The following ATP6V1C2 variants were observed in gnomAD, a reference collection of about 807,000 sequenced individuals.
ATP6V1C2 encodes ATPase H+ transporting V1 subunit C2.
Under a neutral mutation model 56.8 loss-of-function variants are expected in ATP6V1C2, and 45 were observed. That is an observed-to-expected ratio of 0.79 (90% CI 0.62 to 1.02). ATP6V1C2 has a LOEUF of 1.02. Ranked by LOEUF, ATP6V1C2 falls within the 50% of genes least tolerant of loss-of-function variation. ATP6V1C2 has a pLI of 0.00. For missense variants in ATP6V1C2, 463 were observed against 519.7 expected (o/e 0.89, Z 1.06); for synonymous variants, 220 against 201.3 (o/e 1.09, Z -0.79).
At position 10,722,830 on chromosome 2, in the gene ATP6V1C2, G is replaced by A. The variant is rs778324768; in HGVS notation, c.-20G>A. On this transcript the variant is annotated 5_prime_UTR_variant, in exon 2 of 14. Transcript: ENST00000272238. Reference sequence around the variant, plus strand: ...TTGTCCTGGTTCTGGGCAGTCACTGGGTAAGAGAAGACTGGAAGCATGTCG... The same window carrying A: ...TTGTCCTGGTTCTGGGCAGTCACTGAGTAAGAGAAGACTGGAAGCATGTCG... 8 of 1,613,520 alleles carry A rather than the reference G, an allele frequency of 5.0e-6. No individual in the cohort carries two copies. In the East Asian group the frequency reaches 1.6e-4, roughly 31 times the overall value.
chr2:10,751,379 G>A (rs950297120), intron 3 of ATP6V1C2, among the ~76,000 whole-genome samples: 4 of 152,138 alleles, frequency 2.6e-5, no homozygotes, highest in Admixed American at 2.0e-4. Flanking sequence ...CAAACTCCAT[G>A]AAGAATCCTG....
At chr2:10,749,980 G>A (rs561016069) in intron 3 of ATP6V1C2, among the ~76,000 whole-genome samples, 1 of 152,280 alleles carries the variant, frequency 6.6e-6, no homozygotes, top group African/African-American at 2.4e-5. Flanking sequence ...AAACTGTGGA[G>A]TGAAAAAAGT....
intron 7 of ATP6V1C2, 125 bp downstream of exon 7, chr2:10,772,062 C>A: frequency 1.3e-6 from 1 of 796,386 alleles, no homozygotes; most frequent in South Asian, 1.5e-5. Flanking sequence ...GGGAAGCAGT[C>A]ATTCCTTCAT....
intron 4 of ATP6V1C2, among the ~76,000 whole-genome samples, chr2:10,758,980 C>T (rs1238129193): frequency 3.3e-5 from 5 of 152,206 alleles, no homozygotes; most frequent in Non-Finnish European, 5.9e-5. Context: ...GGCCTTTAAA[C>T]TTAGTTTGAC....
intron 10 of ATP6V1C2, among the ~76,000 whole-genome samples, chr2:10,776,286 C>A (rs543938590): frequency 7.0e-6 from 1 of 142,134 alleles, no homozygotes; most frequent in African/African-American, 2.6e-5. Flanking sequence ...TGTGTGCGCG[C>A]GCACGTGCAT....
In ATP6V1C2 at chr2:10,739,279, G is replaced by A. The variant is rs991438818; in HGVS notation, c.197+12710G>A. Among the ~76,000 whole-genome samples, 70 of 148,242 alleles carry A rather than the reference G, an allele frequency of 4.7e-4. 1 individual carries two copies. The highest frequency in any genetic ancestry group is 6.7e-4 in the African/African-American group (27 of 40,228). ...GCCTGGGCAATAAGAGCAAAACTCC[G>A]TCTCAAAAATAAATAAATAAATAAA... On this transcript the variant is annotated intron_variant, in intron 3 of 13. Transcript: ENST00000272238.
intron 8 of ATP6V1C2, among the ~76,000 whole-genome samples, chr2:10,773,331 A>C (rs1472350531): frequency 6.6e-6 from 1 of 152,146 alleles, no homozygotes; most frequent in Non-Finnish European, 1.5e-5. Flanking sequence ...GGGTAGGGGC[A>C]TGTGGGCTTT....
Position 10,775,816 on chromosome 2 carries a change from G to C in ATP6V1C2, c.825+745G>C, listed in dbSNP as rs141423873. 4.1e-4 allele frequency among the ~76,000 whole-genome samples: 63 copies of C among 152,286 alleles called. No individual in the cohort carries two copies. In the East Asian group the frequency reaches 0.011, roughly 27 times the overall value. On this transcript the variant is annotated intron_variant, in intron 10 of 13. Transcript: ENST00000272238. The stretch of plus-strand genomic sequence containing the variant: ...GAGCCTGTCTGGGTGGAATGTTTTT[G>C]GGACCCTTCTTCCTCATGCCCACCA...
At chr2:10,779,428 A>T (rs145049280) in intron 12 of ATP6V1C2, among the ~76,000 whole-genome samples, 23,795 of 138,218 alleles carry the variant, frequency 0.17, 2,694 homozygotes, top group East Asian at 0.33. Flanking sequence ...TAAAAAAAAA[A>T]ATATATATAT....
intron 1 of ATP6V1C2, among the ~76,000 whole-genome samples, chr2:10,721,999 G>C (rs1431484444): frequency 6.6e-6 from 1 of 152,224 alleles, no homozygotes; most frequent in Non-Finnish European, 1.5e-5. Flanking sequence ...GGATTGGAGC[G>C]GGACCGGGAG....
chr2:10,753,884 A>C, intron 3 of ATP6V1C2, 97 bp from the exon 4 acceptor site: 1 of 1,135,140 alleles, frequency 8.8e-7, no homozygotes, highest in South Asian at 1.3e-5. Context: ...TATTCCCCCA[A>C]AGGGTGTCAC....
chr2:10,772,729 C>A, intron 8 of ATP6V1C2, 119 bp downstream of exon 8: 1 of 863,506 alleles, frequency 1.2e-6, no homozygotes, highest in Non-Finnish European at 2.0e-6. Context: ...CACACCTGGG[C>A]CCTCTCCTGT....
intron 3 of ATP6V1C2, among the ~76,000 whole-genome samples, chr2:10,743,840 C>T (rs1478329063): frequency 6.6e-6 from 1 of 151,790 alleles, no homozygotes; most frequent in Non-Finnish European, 1.5e-5. Context: ...CAAAAATTAG[C>T]CAGGCATGAT....
chr2:10,781,672 CAG>C (rs1185195197), intron 12 of ATP6V1C2, among the ~76,000 whole-genome samples: 1 of 152,158 alleles, frequency 6.6e-6, no homozygotes, highest in Non-Finnish European at 1.5e-5. Context: ...TTTGCTCCCT[CAG>C]AGTATAAAAA....
chr2:10,782,288 T>A lies in ATP6V1C2; in HGVS notation c.1107T>A (p.His369Gln). The change falls in exon 13 of 14, where the codon CAT (histidine) becomes CAA (glutamine). Residue 369 changes from histidine (H) to glutamine (Q), a missense_variant. By Grantham distance (24) the His-to-Gln change is conservative. Transcript: ENST00000272238. ...VNFQAVLLQP[H>Q]KKSSTKRLRE... ...TCCAGGCAGTGCTCCTGCAGCCGCA[T>A]AAGAAGTCATCCACCAAGCGTTTAA... The A allele has an allele frequency of 1.2e-6, 2 of 1,614,244 alleles. No homozygotes were observed. The highest frequency in any genetic ancestry group is 1.7e-6 in the Non-Finnish European group (2 of 1,180,040).
intron 10 of ATP6V1C2, 145 bp from the exon 11 acceptor site, chr2:10,777,440 T>C: frequency 9.9e-7 from 1 of 1,010,926 alleles, no homozygotes; most frequent in Non-Finnish European, 1.4e-6. Flanking sequence ...ACCTACCACA[T>C]CTCTAGTCTA....
At chr2:10,777,848 GAGGAGCCGGA>G in intron 11 of ATP6V1C2, 126 bp downstream of exon 11, 1 of 1,225,220 alleles carries the variant, frequency 8.2e-7, no homozygotes, top group Non-Finnish European at 1.1e-6. Flanking sequence ...TCTTAAATTT[GAGGAGCCGGA>G]ATCATGCCTT....
intron 4 of ATP6V1C2, 26 bp downstream of exon 4, chr2:10,754,092 G>A (rs779831974): frequency 1.3e-6 from 2 of 1,567,354 alleles, no homozygotes; most frequent in Non-Finnish European, 8.7e-7. Flanking sequence ...CTCTGATGTG[G>A]AGCACAATCT....
At chr2:10,733,708 C>T (rs758766150) in intron 3 of ATP6V1C2, among the ~76,000 whole-genome samples, 11 of 151,832 alleles carry the variant, frequency 7.2e-5, no homozygotes, top group Non-Finnish European at 1.3e-4. Flanking sequence ...GCCTGTTTTG[C>T]GGTGTTGATT....
Sources: gnomAD v4.1 joint callset for allele counts (sites outside exome capture counted in the v4.1 genomes callset) on GRCh38, gnomAD v4.1.1 for gene constraint, MANE v1.5 for transcripts, NCBI Gene and HGNC (gene_info 2026-07-23, HGNC 2026-07-21) for gene names.